Variants in CWF19L1 observed in about 807,000 individuals in gnomAD.
CWF19L1 encodes CWF19 like cell cycle control factor 1.
Under a neutral mutation model 69.7 loss-of-function variants are expected in CWF19L1, and 60 were observed. The ratio of observed to expected loss-of-function variants is 0.86; its 90% CI spans 0.70 to 1.07. CWF19L1 has a LOEUF of 1.07. CWF19L1 is among the 50% of genes least tolerant of loss of function. The pLI is 0.00. For synonymous variants in CWF19L1, 209 were observed against 222.2 expected (o/e 0.94, Z 0.53); for missense variants, 591 against 638.9 (o/e 0.92, Z 0.81).
At chr10:100,263,920 A>G (rs1000045952) in intron 1 of CWF19L1, among the ~76,000 whole-genome samples, 3 of 152,246 alleles carry the variant, frequency 2.0e-5, no homozygotes, top group Admixed American at 6.5e-5. Flanking sequence ...AAATTTGATC[A>G]TGCCAAAGCG....
intron 1 of CWF19L1, among the ~76,000 whole-genome samples, chr10:100,262,695 G>A (rs1041033266): frequency 6.6e-6 from 1 of 152,168 alleles, no homozygotes; most frequent in African/African-American, 2.4e-5. Context: ...GAAGTGTTAT[G>A]GGGCAGGAAG....
rs924954549 is a variant in CWF19L1 at position 100,232,863 on chromosome 10, G to A, written c.*364C>T. On this transcript the variant is annotated 3_prime_UTR_variant, in exon 14 of 14. Transcript: ENST00000354105. ...TAGTTTCTTTAAAAATAGGCTTCTA[G>A]GCCAGGAATGGTGTCTCATGCTTGT... 1 of 157,866 alleles carries A rather than the reference G, an allele frequency of 6.3e-6. No homozygotes were observed. The highest frequency in any genetic ancestry group is 1.4e-5 in the Non-Finnish European group (1 of 71,814). 9.8% of individuals were successfully genotyped at this position (157,866 alleles called of 1,614,324 possible).
chr10:100,242,675 A>G (rs953806097), intron 10 of CWF19L1, among the ~76,000 whole-genome samples: 6 of 97,364 alleles, frequency 6.2e-5, no homozygotes, highest in Non-Finnish European at 8.7e-5. Flanking sequence ...CTCCATCTCA[A>G]AAAAAAAAAA....
intron 4 of CWF19L1, 123 bp downstream of exon 4, chr10:100,260,095 G>A: frequency 1.7e-6 from 1 of 600,548 alleles, no homozygotes; most frequent in Non-Finnish European, 2.9e-6. Flanking sequence ...TTGAACCCGG[G>A]AGGTGGAGGT....
chr10:100,248,595 T>C (rs1846912512), intron 7 of CWF19L1: 1 of 741,164 alleles, frequency 1.3e-6, no homozygotes, highest in African/African-American at 1.7e-5. Flanking sequence ...TTGAAGAGGA[T>C]TATGATAAGC....
intron 10 of CWF19L1, 88 bp from the exon 11 acceptor site, chr10:100,238,319 G>A (rs1390242268): frequency 6.7e-6 from 8 of 1,193,486 alleles, no homozygotes; most frequent in African/African-American, 1.5e-5. Flanking sequence ...TGAGCCTGAG[G>A]GTGTAGGCGA....
chr10:100,238,684 CTT>C (rs1846534292), intron 10 of CWF19L1, among the ~76,000 whole-genome samples: 1 of 152,170 alleles, frequency 6.6e-6, no homozygotes, highest in Non-Finnish European at 1.5e-5. Context: ...AATCCCAAAA[CTT>C]TGAGAGGCCG....
intron 9 of CWF19L1, among the ~76,000 whole-genome samples, chr10:100,245,162 A>G (rs1259494543): frequency 6.6e-6 from 1 of 151,768 alleles, no homozygotes; most frequent in Non-Finnish European, 1.5e-5. Context: ...GGCTGGGACT[A>G]CAGGACCGTG....
chr10:100,262,418 ATTCT>A, intron 1 of CWF19L1: 1 of 966,402 alleles, frequency 1.0e-6, no homozygotes. Flanking sequence ...TTTCACATTC[ATTCT>A]ATCCTTCTTA....
At chr10:100,249,837 C>T (rs1846964148) in intron 7 of CWF19L1, among the ~76,000 whole-genome samples, 1 of 152,252 alleles carries the variant, frequency 6.6e-6, no homozygotes, top group Non-Finnish European at 1.5e-5. Context: ...CCGCCCACCT[C>T]AGCCTCTCAA....
At chr10:100,259,387 C>T (rs115389183) in intron 4 of CWF19L1, among the ~76,000 whole-genome samples, 1,934 of 151,802 alleles carry the variant, frequency 0.013, 42 homozygotes, top group African/African-American at 0.044. Context: ...GTACCTAGAA[C>T]CAGAAAAAGG....
intron 4 of CWF19L1, among the ~76,000 whole-genome samples, chr10:100,259,149 C>T (rs1347040223): frequency 6.7e-6 from 1 of 150,334 alleles, no homozygotes; most frequent in Non-Finnish European, 1.5e-5. Flanking sequence ...TGCAGTAAGC[C>T]GAGATCATGC....
intron 7 of CWF19L1, chr10:100,248,869 CA>C: frequency 9.2e-7 from 1 of 1,085,062 alleles, no homozygotes; most frequent in Non-Finnish European, 1.4e-6. Context: ...AAAGGCTGAG[CA>C]GCAGAAAAAG....
chr10:100,240,625 TAGAA>T (rs2134281750), intron 10 of CWF19L1, among the ~76,000 whole-genome samples: 1 of 152,190 alleles, frequency 6.6e-6, no homozygotes, highest in East Asian at 1.9e-4. Flanking sequence ...ACCTGGACAA[TAGAA>T]AGATGAATGG....
chr10:100,242,373 T>G (rs1427977563), intron 10 of CWF19L1, among the ~76,000 whole-genome samples: 1 of 152,208 alleles, frequency 6.6e-6, no homozygotes, highest in Non-Finnish European at 1.5e-5. Flanking sequence ...CATTACATAA[T>G]TCCAGATAAA....
In CWF19L1 at chr10:100,266,675, C is replaced by T. The variant is rs1346798385; in HGVS notation, c.23+896G>A. On this transcript the variant is annotated intron_variant, in intron 1 of 13. Coordinates refer to ENST00000354105, the MANE Select transcript of CWF19L1 (RefSeq NM_018294.6). ...GGATTACAGGCACGCGCCACCACGC[C>T]TGGCTAATTTTTTTTTTTTGTATTA... 3.8e-5 allele frequency among the ~76,000 whole-genome samples: 5 copies of T among 132,792 alleles called. No individual in the cohort carries two copies. The East Asian group carries it at 1.0e-3, about 28-fold the overall frequency. The allele number at this position is 132,792 out of a possible 152,430, so 87.1% of individuals were successfully genotyped here.
intron 1 of CWF19L1, chr10:100,262,386 T>TCAAAGTCATCCAAGTCATCCAATCATC (rs1847435260): frequency 1.0e-6 from 1 of 985,218 alleles, no homozygotes; most frequent in Non-Finnish European, 1.2e-6. Context: ...CCAAGTCCCA[T>TCAAAGTCATCCAAGTCATCCAATCATC]CAATCCCTTT....
chr10:100,249,826 TC>T (rs1236892760), intron 7 of CWF19L1, among the ~76,000 whole-genome samples: 2 of 152,208 alleles, frequency 1.3e-5, no homozygotes, highest in African/African-American at 4.8e-5. Context: ...CCTCAAGTGA[TC>T]CGCCCACCTC....
At chr10:100,249,154 AC>A in intron 7 of CWF19L1, 1 of 358,828 alleles carries the variant, frequency 2.8e-6, no homozygotes, top group Non-Finnish European at 5.2e-6. Flanking sequence ...TTCTGCCCCA[AC>A]CCTAGAAATC....
Sources: allele counts gnomAD v4.1 joint callset (sites outside exome capture counted in the v4.1 genomes callset), GRCh38; gene constraint gnomAD v4.1.1; transcripts MANE v1.5; gene names NCBI Gene and HGNC (gene_info 2026-07-23, HGNC 2026-07-21).